TESMIN: variants seen among roughly 807,000 people sequenced by gnomAD.
The protein encoded by TESMIN is testis expressed metallothionein like protein, also known as CXC domain containing 2.
TESMIN carries 34 observed loss-of-function variants against 47.4 expected under a neutral mutation model. The ratio of observed to expected loss-of-function variants is 0.72; its 90% CI spans 0.55 to 0.96. The LOEUF is 0.96. Among genes scored for constraint, TESMIN ranks in the 40% least tolerant of loss-of-function variants. TESMIN has a pLI of 0.00. For synonymous variants in TESMIN, 278 were observed against 258.9 expected (o/e 1.07, Z -0.71); for missense variants, 610 against 637.2 (o/e 0.96, Z 0.46).
In TESMIN at chr11:68,742,325, G is replaced by T. The variant is rs1020402350; in HGVS notation, c.821C>A (p.Thr274Lys). The T allele has an allele frequency of 3.8e-6, 6 of 1,584,576 alleles. No homozygotes were observed. The African/African-American group carries it at 8.1e-5, about 21-fold the overall frequency. Residue 274 changes from threonine to lysine, a missense_variant, in exon 5 of 10, where the codon ACA becomes AAA. Coordinates refer to ENST00000255087, the MANE Select transcript of TESMIN (RefSeq NM_004923.3). ...ATTAAAACAATGACTCACTTGTTGTGTAATGAGATTTAATTTTGTTGATGC... is the reference window on the plus strand; with the variant it reads ...ATTAAAACAATGACTCACTTGTTGTTTAATGAGATTTAATTTTGTTGATGC... ...LPASTKLNLI[T>K]QQLEGALPSV...
chr11:68,750,075 TG>T, intron 2 of TESMIN, 114 bp downstream of exon 2: 1 of 831,438 alleles, frequency 1.2e-6, no homozygotes, highest in Non-Finnish European at 1.7e-6. Flanking sequence ...GGGCTGTGTG[TG>T]GTGTCACCAG....
chr11:68,737,947 GA>G (rs542793305), intron 6 of TESMIN: 2 of 985,242 alleles, frequency 2.0e-6, no homozygotes, highest in African/African-American at 1.8e-5. Flanking sequence ...CAAAAAACAA[GA>G]AAAAACAAAC....
rs193156810 is a variant in TESMIN at position 68,707,512 on chromosome 11, T to G, written c.*796A>C. 1,288 of 183,652 alleles carry G rather than the reference T, an allele frequency of 7.0e-3. 21 individuals are homozygous for G. Among genetic ancestry groups the G allele is most frequent in the South Asian group, 0.044 (367 of 8,412 alleles). The allele number at this position is 183,652 out of a possible 1,614,324, so 11.4% of individuals were successfully genotyped here. A position where few individuals can be genotyped will look rare whatever the true frequency, so the allele number is the denominator to read the frequency against. ...AAAAGCGTCAACTTAAGAATTCATT[T>G]TACCTGCTGGTTTCCACAAGCTAGT... On this transcript the variant is annotated 3_prime_UTR_variant, in exon 10 of 10. Coordinates refer to ENST00000255087, the MANE Select transcript of TESMIN (RefSeq NM_004923.3).
chr11:68,708,404 C>T lies in TESMIN; in HGVS notation c.1431G>A (p.Lys477=). The change falls in exon 10 of 10, where the codon AAG becomes AAA. Residue 477 remains lysine, a synonymous_variant. Coordinates refer to ENST00000255087, the MANE Select transcript of TESMIN (RefSeq NM_004923.3). ...CCAGGATCATCTGCTCTGCCAGGCA[C>T]TTGGAGCAGTGTTCTTTCTCGGCCT... The part of the protein sequence containing the change: ...GEEAEKEHCS[K]CLAEQMILEE... The T allele has an allele frequency of 6.2e-7, 1 of 1,614,230 alleles. No homozygotes were observed. The highest frequency in any genetic ancestry group is 8.5e-7 in the Non-Finnish European group (1 of 1,180,022).
intron 4 of TESMIN, among the ~76,000 whole-genome samples, chr11:68,744,722 A>G (rs964657518): frequency 6.6e-6 from 1 of 152,208 alleles, no homozygotes; most frequent in East Asian, 1.9e-4. Context: ...TGTCGGTCTG[A>G]GTCATCACCT....
At chr11:68,736,308 G>C (rs749192586) in intron 6 of TESMIN, 9 of 985,318 alleles carry the variant, frequency 9.1e-6, no homozygotes, top group Non-Finnish European at 1.1e-5. Flanking sequence ...TAGTTAATAA[G>C]TTAGCCAGTT....
chr11:68,750,378 C>T lies in TESMIN; in HGVS notation c.283G>A (p.Gly95Arg). ...GGDSDGGELL[G>R]EYPGIPELSA... The stretch of plus-strand genomic sequence containing the variant: ...AGCTCTGGGATCCCGGGGTACTCCC[C>T]GAGGAGCTCCCCGCCGTCGCTGTCG... Residue 95 changes from glycine (G) to arginine (R), a missense_variant, in exon 2 of 10, where the codon GGG becomes AGG. By Grantham distance (125) the Gly-to-Arg change is moderately radical. Transcript: ENST00000255087. The T allele has an allele frequency of 1.3e-6, 2 of 1,512,340 alleles. No homozygotes were observed. Among genetic ancestry groups the T allele is most frequent in the Non-Finnish European group, 1.8e-6 (2 of 1,127,064 alleles). The allele number at this position is 1,512,340 out of a possible 1,614,324, so 93.7% of individuals were successfully genotyped here.
intron 4 of TESMIN, among the ~76,000 whole-genome samples, chr11:68,743,016 T>C (rs4930245): frequency 0.7 from 105,967 of 151,904 alleles, 37,604 homozygotes; most frequent in East Asian, 0.86. Flanking sequence ...TAGCTGAGAC[T>C]ACAGGCCTGT....
At position 68,738,926 on chromosome 11, in the gene TESMIN, T is replaced by C. The variant is rs1401468214; in HGVS notation, c.829-138A>G. 5 of 692,372 alleles carry C rather than the reference T, an allele frequency of 7.2e-6. No individual in the cohort carries two copies. In the Admixed American group the frequency reaches 1.3e-4, roughly 19 times the overall value. The allele number at this position is 692,372 out of a possible 1,614,324, so 42.9% of individuals were successfully genotyped here. A position where few individuals can be genotyped will look rare whatever the true frequency, so the allele number is the denominator to read the frequency against. On this transcript the variant is annotated intron_variant, in intron 5 of 9. Coordinates refer to ENST00000255087, the MANE Select transcript of TESMIN (RefSeq NM_004923.3). ...CATCCCTTTATAACCATGTCTGGCC[T>C]TATTACCACAAGGAATCCACTGACA... is the stretch of plus-strand genomic sequence containing the variant.
At position 68,715,881 on chromosome 11, in the gene TESMIN, A is replaced by G; in HGVS notation, c.976T>C (p.Cys326Arg). 1.2e-6 allele frequency: 2 copies of G among 1,613,612 alleles called. No homozygotes were observed. The highest frequency in any genetic ancestry group is 1.7e-6 in the Non-Finnish European group (2 of 1,179,514). ...FCNNCNCNNC[C>R]NNLHHDIERF... is the part of the protein sequence containing the mutation. ...TCAATATCATGATGCAAGTTGTTGC[A>G]ACAATTATTACAATTGCAGTTGTTG... is the stretch of plus-strand genomic sequence containing the variant. Residue 326 changes from cysteine to arginine, a missense_variant, in exon 7 of 10, where the codon TGC becomes CGC. Coordinates refer to ENST00000255087, the MANE Select transcript of TESMIN (RefSeq NM_004923.3).
chr11:68,739,386 C>A (rs1946430129), intron 5 of TESMIN, among the ~76,000 whole-genome samples: 1 of 152,186 alleles, frequency 6.6e-6, no homozygotes. Flanking sequence ...GGCAGCAAAG[C>A]CATCACTGGC....
chr11:68,706,421 T>A (rs1945998659), downstream of TESMIN, among the ~76,000 whole-genome samples: 3 of 152,218 alleles, frequency 2.0e-5, no homozygotes, highest in South Asian at 6.2e-4. Flanking sequence ...GGGGCCTGTA[T>A]CCCCAGCCCC....
At chr11:68,736,290 T>C in intron 6 of TESMIN, 1 of 985,424 alleles carries the variant, frequency 1.0e-6, no homozygotes, top group Non-Finnish European at 1.2e-6. Flanking sequence ...TTTATTAATA[T>C]GATAAGCTAG....
chr11:68,728,459 A>G (rs1946290750), intron 6 of TESMIN, among the ~76,000 whole-genome samples: 1 of 152,254 alleles, frequency 6.6e-6, no homozygotes, highest in Non-Finnish European at 1.5e-5. Flanking sequence ...AGCCATCTCC[A>G]TAACGGAAAA....
At chr11:68,723,378 G>A (rs771780394) in intron 6 of TESMIN, among the ~76,000 whole-genome samples, 3 of 150,536 alleles carry the variant, frequency 2.0e-5, no homozygotes, top group Non-Finnish European at 4.4e-5. Flanking sequence ...TCAAGCGGAT[G>A]ATAGTGAAAG....
chr11:68,742,961 T>G (rs1358905573), intron 4 of TESMIN, among the ~76,000 whole-genome samples: 1 of 151,956 alleles, frequency 6.6e-6, no homozygotes, highest in East Asian at 1.9e-4. Flanking sequence ...ACTGCAGCCT[T>G]GACCCCCCTA....
Position 68,750,607 on chromosome 11 carries a change from C to T in TESMIN, c.54G>A (p.Val18=), listed in dbSNP as rs564153731. 44 of 1,599,202 alleles carry T rather than the reference C, an allele frequency of 2.8e-5. No homozygotes were observed. In the African/African-American group the frequency reaches 5.8e-4, roughly 21 times the overall value. The change falls in exon 2 of 10, where the codon GTG becomes GTA. Residue 18 remains valine (V), a synonymous_variant. Coordinates refer to ENST00000255087, the MANE Select transcript of TESMIN (RefSeq NM_004923.3). ...GGLPSPEDAM[V]TELLSPEGPF... ...GACCCTCGGGGCTTAAGAGCTCCGTCACCATCGCATCCTCGGGGCTGGGCA... is the reference window on the plus strand; with the variant it reads ...GACCCTCGGGGCTTAAGAGCTCCGTTACCATCGCATCCTCGGGGCTGGGCA...
chr11:68,750,237 C>T lies in TESMIN; in HGVS notation c.424G>A (p.Ala142Thr). The T allele has an allele frequency of 6.5e-7, 1 of 1,528,914 alleles. No individual in the cohort carries two copies. Among genetic ancestry groups the T allele is most frequent in the Admixed American group, 2.1e-5 (1 of 48,152 alleles). The allele number at this position is 1,528,914 out of a possible 1,614,324, so 94.7% of individuals were successfully genotyped here. A position where few individuals can be genotyped will look rare whatever the true frequency, so the allele number is the denominator to read the frequency against. Reference protein sequence around the residue: ...HRSPAVLPLGAWVLEGASHPG... With the variant: ...HRSPAVLPLGTWVLEGASHPG... ...TGGGAGGCTCCTTCCAGGACCCAGG[C>T]GCCCAGGGGCAACACCGCCGGGCTG... The change falls in exon 2 of 10, where the codon GCC becomes ACC. Residue 142 changes from alanine (A) to threonine (T), a missense_variant. Coordinates refer to ENST00000255087, the MANE Select transcript of TESMIN (RefSeq NM_004923.3).
Position 68,711,140 on chromosome 11 carries a change from C to T in TESMIN, c.1159-91G>A, listed in dbSNP as rs142975716. On this transcript the variant is annotated intron_variant, in intron 8 of 9. Transcript: ENST00000255087. Reference sequence around the variant, plus strand: ...TATTTGGACCTTAAATAATTCTTCGCGTATATTTGCCCATGACAGAGAGTG... The same window carrying T: ...TATTTGGACCTTAAATAATTCTTCGTGTATATTTGCCCATGACAGAGAGTG... 123 of 1,129,730 alleles carry T rather than the reference C, an allele frequency of 1.1e-4. 2 individuals are homozygous for T. In the African/African-American group the frequency reaches 1.1e-3, roughly 10 times the overall value. 70.0% of individuals were successfully genotyped at this position (1,129,730 alleles called of 1,614,324 possible).
Sources: gnomAD v4.1 joint callset for allele counts (sites outside exome capture counted in the v4.1 genomes callset) on GRCh38, gnomAD v4.1.1 for gene constraint, MANE v1.5 for transcripts, NCBI Gene and HGNC (gene_info 2026-07-23, HGNC 2026-07-21) for gene names.